The following CREB5 variants were observed in gnomAD, a reference collection of about 807,000 sequenced individuals.
CREB5 encodes the protein cyclic AMP-responsive element-binding protein 5.
In CREB5, 19 loss-of-function variants were observed where a neutral mutation model predicts 57.1. The observed-to-expected ratio is 0.33, with a 90% CI of 0.23 to 0.49. CREB5 has a LOEUF of 0.49. Among genes scored for constraint, CREB5 ranks in the 20% least tolerant of loss-of-function variants. The pLI is 0.99. For synonymous variants in CREB5, 238 were observed against 238.3 expected (o/e 1.00, Z 0.01); for missense variants, 579 against 671.6 (o/e 0.86, Z 1.52).
chr7:28,574,289 C>G (rs1432517657), intron 5 of CREB5, among the ~76,000 whole-genome samples: 5 of 152,180 alleles, frequency 3.3e-5, no homozygotes, highest in Non-Finnish European at 4.4e-5. Flanking sequence ...CAAACAGTAT[C>G]TCTCCTCCAG....
At chr7:28,501,479 T>C (rs534419579) in intron 3 of CREB5, among the ~76,000 whole-genome samples, 1 of 152,368 alleles carries the variant, frequency 6.6e-6, no homozygotes. Context: ...CTGAATCCTT[T>C]GGAGGCCTTG....
At chr7:28,556,333 C>A (rs1482989352) in intron 4 of CREB5, among the ~76,000 whole-genome samples, 1 of 152,104 alleles carries the variant, frequency 6.6e-6, no homozygotes, top group African/African-American at 2.4e-5. Flanking sequence ...TAAAGTGAGA[C>A]CTGGTTTTCA....
intron 5 of CREB5, among the ~76,000 whole-genome samples, chr7:28,658,953 G>GTATCTATATATATATA (rs1799449328): frequency 1.0e-5 from 1 of 99,584 alleles, no homozygotes; most frequent in African/African-American, 3.3e-5. Context: ...GTGTGTGTGT[G>GTATCTATATATATATA]TATATATATA....
At chr7:28,383,732 C>G (rs780224828) in intron 1 of CREB5, among the ~76,000 whole-genome samples, 1 of 152,114 alleles carries the variant, frequency 6.6e-6, no homozygotes, top group Non-Finnish European at 1.5e-5. Flanking sequence ...CCACCAGGCC[C>G]CACGTCCAAC....
At chr7:28,417,603 G>T (rs1192132446) in intron 1 of CREB5, among the ~76,000 whole-genome samples, 1 of 152,178 alleles carries the variant, frequency 6.6e-6, no homozygotes, top group East Asian at 1.9e-4. Context: ...TTGGGGTGAA[G>T]GCCTGAGCCT....
chr7:28,731,732 C>G (rs1466870379), intron 7 of CREB5, among the ~76,000 whole-genome samples: 1 of 152,192 alleles, frequency 6.6e-6, no homozygotes, highest in Non-Finnish European at 1.5e-5. Flanking sequence ...GAAGCATTTT[C>G]TGCAATTTGG....
At chr7:28,565,638 A>G (rs1341629555) in intron 4 of CREB5, among the ~76,000 whole-genome samples, 1 of 152,196 alleles carries the variant, frequency 6.6e-6, no homozygotes, top group Admixed American at 6.5e-5. Context: ...TTTTGAAATT[A>G]TGCCCTCTGG....
intron 7 of CREB5, among the ~76,000 whole-genome samples, chr7:28,747,630 C>T (rs1175508688): frequency 6.6e-6 from 1 of 152,158 alleles, no homozygotes; most frequent in African/African-American, 2.4e-5. Flanking sequence ...AGCCAGACAG[C>T]AGGCAAAGAA....
chr7:28,377,944 AACAAAAAAGAAAAAGAAAAAG>A (rs1323147136), intron 1 of CREB5, among the ~76,000 whole-genome samples: 4 of 147,668 alleles, frequency 2.7e-5, no homozygotes, highest in African/African-American at 9.9e-5. Context: ...AAAAAAAAAA[AACAAAAAAGAAAAAGAAAAAG>A]AAAAAAAAAG....
At chr7:28,753,341 C>T (rs1375650447) in intron 7 of CREB5, among the ~76,000 whole-genome samples, 1 of 152,086 alleles carries the variant, frequency 6.6e-6, no homozygotes, top group Non-Finnish European at 1.5e-5. Context: ...GTAATATTGT[C>T]TATACAGAAT....
At chr7:28,378,358 G>A (rs1048284366) in intron 1 of CREB5, among the ~76,000 whole-genome samples, 7 of 151,548 alleles carry the variant, frequency 4.6e-5, no homozygotes, top group Admixed American at 4.6e-4. Flanking sequence ...CGAGTTAATG[G>A]GTGCAGCACA....
intron 7 of CREB5, among the ~76,000 whole-genome samples, chr7:28,748,702 T>G (rs1804813954): frequency 6.6e-6 from 1 of 152,120 alleles, no homozygotes; most frequent in Admixed American, 6.6e-5. Flanking sequence ...CAGATAGATT[T>G]GAGTTACCAC....
At chr7:28,643,648 A>G (rs7808771) in intron 5 of CREB5, among the ~76,000 whole-genome samples, 3,189 of 152,212 alleles carry the variant, frequency 0.021, 127 homozygotes, top group African/African-American at 0.073. Flanking sequence ...GTAAAGAAGC[A>G]TCAGGTTTTA....
chr7:28,382,721 G>A (rs1346392782), intron 1 of CREB5, among the ~76,000 whole-genome samples: 1 of 151,812 alleles, frequency 6.6e-6, no homozygotes, highest in Admixed American at 6.6e-5. Context: ...ATGCTGAGTA[G>A]CTTATTGGTC....
rs1803956773 is a variant in CREB5, at chr7:28,735,996, G to A, written c.702+11664G>A. ...TTTTTAAATTTTTTACAGAGACAGG[G>A]TCTCGCGATGTTGACCAGTCTCAAA... On this transcript the variant is annotated intron_variant, in intron 7 of 10. Transcript: ENST00000357727. Among the ~76,000 whole-genome samples the A allele has an allele frequency of 4.0e-5, 6 of 151,898 alleles. No homozygotes were observed. The South Asian group carries it at 1.2e-3, about 31-fold the overall frequency.
intron 5 of CREB5, among the ~76,000 whole-genome samples, chr7:28,697,227 G>A (rs1801622717): frequency 6.6e-6 from 1 of 151,820 alleles, no homozygotes; most frequent in South Asian, 2.1e-4. Context: ...TCATGAATTG[G>A]CCCCCTAATG....
chr7:28,818,058 A>C lies in CREB5; in HGVS notation c.1255-13A>C, dbSNP rs779844690. ...GGTCTTCTCAACATGGTTTTAATAC[A>C]TATCTCTTTTAGAATGAAGTGTCTA... On this transcript the variant is annotated splice_polypyrimidine_tract_variant and intron_variant, in intron 9 of 10. Transcript: ENST00000357727. 3 of 1,605,666 alleles carry C rather than the reference A, an allele frequency of 1.9e-6. No homozygotes were observed. The highest frequency in any genetic ancestry group is 1.7e-6 in the Non-Finnish European group (2 of 1,173,742).
At chr7:28,408,967 C>G (rs1412753638), upstream of CREB5, among the ~76,000 whole-genome samples, 1 of 152,094 alleles carries the variant, frequency 6.6e-6, no homozygotes, top group East Asian at 1.9e-4. Flanking sequence ...TCCCCTACCC[C>G]CATCCCTACA....
intron 4 of CREB5, among the ~76,000 whole-genome samples, chr7:28,538,912 C>A (rs1794091718): frequency 6.6e-6 from 1 of 152,116 alleles, no homozygotes; most frequent in African/African-American, 2.4e-5. Context: ...AGATATCTTT[C>A]TATTATTGAT....
Sources: allele counts gnomAD v4.1 joint callset (sites outside exome capture counted in the v4.1 genomes callset), GRCh38; gene constraint gnomAD v4.1.1; transcripts MANE v1.5; gene names NCBI Gene and HGNC (gene_info 2026-07-23, HGNC 2026-07-21).